The following XRN2 variants were observed in gnomAD, a reference collection of about 807,000 sequenced individuals.
XRN2 encodes 5'-3' exoribonuclease 2, also known as DHM1-like protein.
In XRN2, 44 loss-of-function variants were observed where a neutral mutation model predicts 138.5. The ratio of observed to expected loss-of-function variants is 0.32; its 90% CI spans 0.25 to 0.41. XRN2 has a LOEUF of 0.41. Ranked by LOEUF, XRN2 falls within the 10% of genes least tolerant of loss-of-function variation. The probability of loss-of-function intolerance (pLI) is 1.00; values close to 1 mark genes in which losing one functional copy is unlikely to be tolerated. For missense variants in XRN2, 937 were observed against 1,169.3 expected, an observed-to-expected ratio of 0.80 and a Z score of 2.90; for synonymous variants, 354 against 369.4, an observed-to-expected ratio of 0.96 and a Z score of 0.48.
chr20:21,372,725 A>G (rs2038776698), intron 27 of XRN2, among the ~76,000 whole-genome samples: 1 of 152,176 alleles, frequency 6.6e-6, no homozygotes, highest in Non-Finnish European at 1.5e-5. Context: ...TGTAGTTTTT[A>G]TGAAATAGAT....
At chr20:21,349,100 G>A (rs1248680773) in intron 19 of XRN2, among the ~76,000 whole-genome samples, 1 of 152,190 alleles carries the variant, frequency 6.6e-6, no homozygotes, top group Non-Finnish European at 1.5e-5. Context: ...CAGCCGGGAA[G>A]TAGGAAATGT....
chr20:21,314,097 T>C (rs2037924731), intron 1 of XRN2, among the ~76,000 whole-genome samples: 1 of 152,222 alleles, frequency 6.6e-6, no homozygotes, highest in Non-Finnish European at 1.5e-5. Flanking sequence ...GCTGTCTCCT[T>C]TTCTCCCAGC....
intron 6 of XRN2, 87 bp from the exon 7 acceptor site, chr20:21,331,474 A>T: frequency 9.0e-7 from 1 of 1,109,082 alleles, no homozygotes; most frequent in Non-Finnish European, 1.3e-6. Flanking sequence ...CACTTATCTC[A>T]GTTTTTCTTG....
chr20:21,329,570 A>G (rs2038174575), intron 4 of XRN2, among the ~76,000 whole-genome samples: 1 of 152,224 alleles, frequency 6.6e-6, no homozygotes, highest in Non-Finnish European at 1.5e-5. Flanking sequence ...ACAAGTATAT[A>G]GTTCCTTTAG....
At chr20:21,310,107 A>G (rs1023738405) in intron 1 of XRN2, among the ~76,000 whole-genome samples, 9 of 152,180 alleles carry the variant, frequency 5.9e-5, no homozygotes, top group Non-Finnish European at 2.9e-5. Context: ...CCTTCTAGAT[A>G]TTGTTTAAAC....
At chr20:21,321,327 G>GTGTGTT (rs1377083736) in intron 1 of XRN2, among the ~76,000 whole-genome samples, 1 of 149,696 alleles carries the variant, frequency 6.7e-6, no homozygotes, top group Non-Finnish European at 1.5e-5. Context: ...GTGTGTGTGT[G>GTGTGTT]TGTGTGTGTG....
In XRN2 at chr20:21,349,403, T is replaced by C. The variant is rs763292304; in HGVS notation, c.1878T>C (p.Ile626=). The change falls in exon 20 of 30, where the codon ATT becomes ATC. Residue 626 remains isoleucine (I), a synonymous_variant. Coordinates refer to ENST00000377191, the MANE Select transcript of XRN2 (RefSeq NM_012255.5). ...KLMSDPDSSI[I]DFYPEDFAID... ...CCCTAATATAGGATTCTAGTATAATTGACTTCTATCCTGAAGATTTTGCTA... is the reference window on the plus strand; with the variant it reads ...CCCTAATATAGGATTCTAGTATAATCGACTTCTATCCTGAAGATTTTGCTA... The C allele has an allele frequency of 6.2e-7, 1 of 1,600,846 alleles. No homozygotes were observed. Among genetic ancestry groups the C allele is most frequent in the Non-Finnish European group, 8.6e-7 (1 of 1,168,604 alleles).
Position 21,307,321 on chromosome 20 carries a change from C to T in XRN2, c.75+3848C>T, listed in dbSNP as rs2037821973. Among the ~76,000 whole-genome samples, 2 of 76,570 alleles carry T rather than the reference C, an allele frequency of 2.6e-5. 1 individual carries two copies. The highest frequency in any genetic ancestry group is 7.1e-5 in the African/African-American group (2 of 28,024). 50.2% of individuals were successfully genotyped at this position (76,570 alleles called of 152,430 possible). A position where few individuals can be genotyped will look rare whatever the true frequency, so the allele number is the denominator to read the frequency against. ...TTTGAGTCTGGAGTCTTACGTTCTTCGGTTTTAGGGAATGCTGTTTGATGA... is the reference window on the plus strand; with the variant it reads ...TTTGAGTCTGGAGTCTTACGTTCTTTGGTTTTAGGGAATGCTGTTTGATGA... On this transcript the variant is annotated intron_variant, in intron 1 of 29. Transcript: ENST00000377191.
chr20:21,387,064 A>G, intron 29 of XRN2, 58 bp downstream of exon 29: 1 of 1,552,980 alleles, frequency 6.4e-7, no homozygotes, highest in Non-Finnish European at 8.8e-7. Context: ...CAAGCCTCAC[A>G]GGACTCCGTA....
intron 1 of XRN2, among the ~76,000 whole-genome samples, chr20:21,325,116 A>T (rs1485138452): frequency 6.6e-6 from 1 of 152,126 alleles, no homozygotes; most frequent in Non-Finnish European, 1.5e-5. Flanking sequence ...ACTTAACCTA[A>T]TGTTTTTGAG....
chr20:21,376,113 C>T (rs2038819870), intron 27 of XRN2, among the ~76,000 whole-genome samples: 1 of 152,168 alleles, frequency 6.6e-6, no homozygotes, highest in South Asian at 2.1e-4. Context: ...GCTGGGATTA[C>T]AGGCGTGAGC....
rs534751475 is a variant in XRN2, at chr20:21,348,403, A to G, written c.1836A>G (p.Pro612=). ...FPAASGNFLP[P]SWRKLMSDPD... is the part of the protein sequence containing the mutation. Reference sequence around the variant, plus strand: ...CTGCAAGTGGTAATTTTCTACCTCCATCATGGCGGAAGCTCATGAGTGATC... The same window carrying G: ...CTGCAAGTGGTAATTTTCTACCTCCGTCATGGCGGAAGCTCATGAGTGATC... Residue 612 remains proline (P), a synonymous_variant, in exon 19 of 30, where the codon CCA becomes CCG. Coordinates refer to ENST00000377191, the MANE Select transcript of XRN2 (RefSeq NM_012255.5). The G allele has an allele frequency of 4.3e-6, 7 of 1,614,136 alleles. No individual in the cohort carries two copies. In the South Asian group the frequency reaches 6.6e-5, roughly 15 times the overall value.
intron 28 of XRN2, 37 bp downstream of exon 28, chr20:21,382,094 C>T: frequency 6.4e-7 from 1 of 1,558,432 alleles, no homozygotes; most frequent in Non-Finnish European, 8.8e-7. Flanking sequence ...TAAATACTTT[C>T]TGACACCAAC....
chr20:21,372,386 C>G (rs1944112746), intron 27 of XRN2, among the ~76,000 whole-genome samples: 1 of 152,034 alleles, frequency 6.6e-6, no homozygotes, highest in South Asian at 2.1e-4. Context: ...TGGTGTTAAG[C>G]ATAGCATAAC....
At position 21,356,684 on chromosome 20, in the gene XRN2, A is replaced by G. The variant is rs759872455; in HGVS notation, c.2198+19A>G. On this transcript the variant is annotated intron_variant, in intron 23 of 29. Transcript: ENST00000377191. ...CAGATCAGTAAGTTTCATTTTGTAT[A>G]TAATTGAGGTGACTGGAAGGAAGTT... 5.6e-6 allele frequency: 9 copies of G among 1,600,670 alleles called. No homozygotes were observed. The highest frequency in any genetic ancestry group is 6.0e-6 in the Non-Finnish European group (7 of 1,172,054).
At chr20:21,380,278 C>A (rs570451682) in intron 27 of XRN2, among the ~76,000 whole-genome samples, 1 of 152,262 alleles carries the variant, frequency 6.6e-6, no homozygotes, top group Non-Finnish European at 1.5e-5. Flanking sequence ...TTAACTGATT[C>A]TCACTAAACT....
intron 1 of XRN2, among the ~76,000 whole-genome samples, chr20:21,312,602 A>ATTTTTTTTTTTTTTTTTTTTTTTTTTT (rs375836250): frequency 2.2e-5 from 3 of 137,282 alleles, no homozygotes; most frequent in Non-Finnish European, 3.1e-5. Context: ...AAACCCCAAG[A>ATTTTTTTTTTTTTTTTTTTTTTTTTTT]TTTTTTTTTT....
At chr20:21,316,269 C>A (rs916806020) in intron 1 of XRN2, among the ~76,000 whole-genome samples, 1 of 152,138 alleles carries the variant, frequency 6.6e-6, no homozygotes, top group Non-Finnish European at 1.5e-5. Context: ...AACAAACAAA[C>A]AAAAAAGTTT....
chr20:21,314,214 A>T lies in XRN2; in HGVS notation c.75+10741A>T, dbSNP rs563679299. Among the ~76,000 whole-genome samples, 27 of 152,182 alleles carry T rather than the reference A, an allele frequency of 1.8e-4. No individual in the cohort carries two copies. In the South Asian group the frequency reaches 5.6e-3, roughly 32 times the overall value. On this transcript the variant is annotated intron_variant, in intron 1 of 29. Transcript: ENST00000377191. ...TGGTCGTTTCTGGCTGGCTGCTTTC[A>T]CTTAATATTATGTTTTCAAAGTTCA...
Sources: gnomAD v4.1 joint callset for allele counts (sites outside exome capture counted in the v4.1 genomes callset) on GRCh38, gnomAD v4.1.1 for gene constraint, MANE v1.5 for transcripts, NCBI Gene and HGNC (gene_info 2026-07-23, HGNC 2026-07-21) for gene names.